The following HECW2 variants were observed in gnomAD, a reference collection of about 807,000 sequenced individuals.
The protein encoded by HECW2 is E3 ubiquitin-protein ligase HECW2.
In HECW2, 61 loss-of-function variants were observed where a neutral mutation model predicts 175.2. That is an observed-to-expected ratio of 0.35 (90% CI 0.28 to 0.43). The LOEUF (loss-of-function observed/expected upper bound fraction) is 0.43, where lower values mean the gene tolerates loss of function less well. Among genes scored for constraint, HECW2 ranks in the 20% least tolerant of loss-of-function variants. The pLI is 1.00. For synonymous variants in HECW2, 671 were observed against 731.0 expected (o/e 0.92, Z 1.32); for missense variants, 1,524 against 2,000.5 (o/e 0.76, Z 4.54).
At chr2:196,274,927 G>A (rs1472127038) in intron 15 of HECW2, among the ~76,000 whole-genome samples, 1 of 152,198 alleles carries the variant, frequency 6.6e-6, no homozygotes, top group Admixed American at 6.5e-5. Context: ...TAGCAGAACA[G>A]CAGTATAAGA....
At position 196,372,962 on chromosome 2, in the gene HECW2, C is replaced by G. The variant is rs528342251; in HGVS notation, c.293-29198G>C. Among the ~76,000 whole-genome samples, 10 of 152,218 alleles carry G rather than the reference C, an allele frequency of 6.6e-5. 1 individual carries two copies. In the South Asian group the frequency reaches 1.9e-3, roughly 28 times the overall value. On this transcript the variant is annotated intron_variant, in intron 2 of 28. Coordinates refer to ENST00000644978, the MANE Select transcript of HECW2 (RefSeq NM_001348768.2). ...TTTCACATCTGTACAATTGGGATAA[C>G]GAGGCACAGCCAGTACAATTTTGAG...
Position 196,278,556 on chromosome 2 carries a change from G to A in HECW2, c.3107C>T (p.Thr1036Ile), listed in dbSNP as rs901184496. 2 of 1,613,898 alleles carry A rather than the reference G, an allele frequency of 1.2e-6. No homozygotes were observed. Among genetic ancestry groups the A allele is most frequent in the African/African-American group, 2.7e-5 (2 of 74,870 alleles). The part of the protein sequence containing the change: ...TSALVHRQHL[T>I]RQRSHSAGEV... Reference sequence around the variant, plus strand: ...ACCCGCACTGTGGCTGCGTTGCCTTGTCAGGTGTTGCCGATGAACCAGCGC... The same window carrying A: ...ACCCGCACTGTGGCTGCGTTGCCTTATCAGGTGTTGCCGATGAACCAGCGC... The change falls in exon 15 of 29, where the codon ACA (threonine) becomes ATA (isoleucine). Residue 1036 changes from threonine to isoleucine, a missense_variant. Coordinates refer to ENST00000644978, the MANE Select transcript of HECW2 (RefSeq NM_001348768.2).
At chr2:196,257,163 C>T (rs1689087992) in intron 18 of HECW2, among the ~76,000 whole-genome samples, 1 of 152,104 alleles carries the variant, frequency 6.6e-6, no homozygotes, top group Non-Finnish European at 1.5e-5. Flanking sequence ...TTTACTATGG[C>T]TTGCCTACAT....
chr2:196,460,556 C>T lies in HECW2; in HGVS notation c.-35-27098G>A, dbSNP rs185266650. On this transcript the variant is annotated intron_variant, in intron 1 of 28. Coordinates refer to ENST00000644978, the MANE Select transcript of HECW2 (RefSeq NM_001348768.2). ...AGAGCAGAGAACATATAATTTCTGT[C>T]TAATTTTTTGCTTTTCTCCCAGGGC... is the stretch of plus-strand genomic sequence containing the variant. 4.8e-4 allele frequency among the ~76,000 whole-genome samples: 71 copies of T among 148,862 alleles called. No individual in the cohort carries two copies. The East Asian group carries it at 0.01, about 21-fold the overall frequency.
At chr2:196,266,239 T>TGGAAGGCTGAGGCA (rs1400448854) in intron 17 of HECW2, among the ~76,000 whole-genome samples, 39 of 150,378 alleles carry the variant, frequency 2.6e-4, no homozygotes, top group Non-Finnish European at 3.0e-4. Context: ...CCCAGCTACT[T>TGGAAGGCTGAGGCA]GGAAGGCTGA....
chr2:196,442,377 TG>T (rs1696068050), intron 1 of HECW2, among the ~76,000 whole-genome samples: 1 of 152,212 alleles, frequency 6.6e-6, no homozygotes, highest in Admixed American at 6.5e-5. Flanking sequence ...CATATGTTGC[TG>T]AGAGGATAGT....
chr2:196,333,701 G>A (rs1270891839), intron 4 of HECW2, among the ~76,000 whole-genome samples: 1 of 152,194 alleles, frequency 6.6e-6, no homozygotes, highest in Non-Finnish European at 1.5e-5. Flanking sequence ...GCTGTGTATT[G>A]TGAGACTGTT....
At chr2:196,315,140 G>A (rs1397947071) in intron 10 of HECW2, among the ~76,000 whole-genome samples, 1 of 104,172 alleles carries the variant, frequency 9.6e-6, no homozygotes, top group Non-Finnish European at 1.9e-5. Context: ...CCTACAGCAC[G>A]AGTGTATGAG....
At chr2:196,320,273 A>G (rs1006417022) in intron 8 of HECW2, 66 bp downstream of exon 8, 1 of 911,492 alleles carries the variant, frequency 1.1e-6, no homozygotes, top group African/African-American at 1.7e-5. Flanking sequence ...GCAAACTGAC[A>G]ATCGAGTTAG....
rs541708669 is a variant in HECW2, at chr2:196,326,966, G to A, written c.572-1817C>T. Among the ~76,000 whole-genome samples the A allele has an allele frequency of 2.0e-4, 30 of 152,290 alleles. No homozygotes were observed. In the South Asian group the frequency reaches 6.0e-3, roughly 30 times the overall value. On this transcript the variant is annotated intron_variant, in intron 5 of 28. Coordinates refer to ENST00000644978, the MANE Select transcript of HECW2 (RefSeq NM_001348768.2). ...TACTTTCACTTGGCTTTCTTCAGCA[G>A]GGAACAGCTTTGAGAAGAAAATGCA...
intron 19 of HECW2, among the ~76,000 whole-genome samples, chr2:196,243,214 C>T (rs1011054379): frequency 6.9e-6 from 1 of 144,480 alleles, no homozygotes; most frequent in Non-Finnish European, 1.5e-5. Context: ...GTTGCCCAGG[C>T]TGGAGTGCAA....
chr2:196,369,342 G>GTCTCTCTCTCTC (rs71410611), intron 2 of HECW2, among the ~76,000 whole-genome samples: 3,038 of 131,172 alleles, frequency 0.023, 128 homozygotes, highest in African/African-American at 0.062. Context: ...AACAAATGGA[G>GTCTCTCTCTCTC]TCTCTCTCTC....
intron 1 of HECW2, among the ~76,000 whole-genome samples, chr2:196,541,390 G>A (rs912214474): frequency 2.0e-5 from 3 of 152,112 alleles, no homozygotes; most frequent in African/African-American, 4.8e-5. Context: ...CTCTGGAAAG[G>A]TTTAGTAAAA....
chr2:196,199,030 T>C lies in HECW2; in HGVS notation c.*2247A>G, dbSNP rs980220183. Reference sequence around the variant, plus strand: ...AAAGAGATACATTTTATTTCAAATATCTTTTACCTAATAATATGAAATACC... The same window carrying C: ...AAAGAGATACATTTTATTTCAAATACCTTTTACCTAATAATATGAAATACC... On this transcript the variant is annotated 3_prime_UTR_variant, in exon 29 of 29. Transcript: ENST00000644978. The C allele has an allele frequency of 4.6e-5, 7 of 152,282 alleles. No homozygotes were observed. Among genetic ancestry groups the C allele is most frequent in the African/African-American group, 1.7e-4 (7 of 41,466 alleles). The allele number at this position is 152,282 out of a possible 1,614,324, so 9.4% of individuals were successfully genotyped here.
chr2:196,431,988 T>C (rs1012701759), intron 2 of HECW2, among the ~76,000 whole-genome samples: 5 of 152,244 alleles, frequency 3.3e-5, no homozygotes, highest in South Asian at 4.1e-4. Flanking sequence ...AGCAAGAGTG[T>C]TGTTTTGCCT....
At chr2:196,430,435 AAAAT>A (rs1695676144) in intron 2 of HECW2, among the ~76,000 whole-genome samples, 1 of 152,208 alleles carries the variant, frequency 6.6e-6, no homozygotes, top group African/African-American at 2.4e-5. Context: ...AATGAAAAAA[AAAAT>A]AGTCAATAGG....
chr2:196,534,577 C>G (rs896070061), intron 1 of HECW2, among the ~76,000 whole-genome samples: 4 of 152,198 alleles, frequency 2.6e-5, no homozygotes, highest in African/African-American at 9.7e-5. Context: ...CTCACTCCAT[C>G]TCCCATAAAT....
intron 1 of HECW2, among the ~76,000 whole-genome samples, chr2:196,528,269 C>T (rs564485125): frequency 2.6e-4 from 40 of 152,186 alleles, no homozygotes; most frequent in African/African-American, 7.0e-4. Flanking sequence ...ATTATATAAA[C>T]GCATTACCAA....
Position 196,407,906 on chromosome 2 carries a change from A to G in HECW2, c.292+25226T>C, listed in dbSNP as rs557139668. 4.9e-4 allele frequency among the ~76,000 whole-genome samples: 75 copies of G among 152,352 alleles called. No individual in the cohort carries two copies. The South Asian group carries it at 0.015, about 31-fold the overall frequency. ...GCTTGTTGAATTTAACTGAATACTC[A>G]TATCAGAGCCAAGTCTTCTTCTCCA... is the stretch of plus-strand genomic sequence containing the variant. On this transcript the variant is annotated intron_variant, in intron 2 of 28. Coordinates refer to ENST00000644978, the MANE Select transcript of HECW2 (RefSeq NM_001348768.2).
Sources: allele counts gnomAD v4.1 joint callset (sites outside exome capture counted in the v4.1 genomes callset), GRCh38; gene constraint gnomAD v4.1.1; transcripts MANE v1.5; gene names NCBI Gene and HGNC (gene_info 2026-07-23, HGNC 2026-07-21).